Variants in DENND4C observed in about 807,000 individuals in gnomAD.
DENND4C encodes DENN domain containing 4C, also known as DENN domain-containing protein 4C.
A neutral mutation model predicts 203.0 loss-of-function variants in DENND4C; 108 were observed. The observed-to-expected ratio is 0.53, with a 90% CI of 0.46 to 0.62. DENND4C has a LOEUF of 0.62. Among genes scored for constraint, DENND4C ranks in the 20% least tolerant of loss-of-function variants. DENND4C has a pLI of 0.00. For synonymous variants in DENND4C, 871 were observed against 792.4 expected (o/e 1.10, Z -1.67); for missense variants, 2,481 against 2,301.2 (o/e 1.08, Z -1.60).
Position 19,346,012 on chromosome 9 carries a change from AGG to A in DENND4C, c.3244_3245del (p.Gly1082ArgfsTer9). ...ATNLKKNGDRGEKRQKHFPER... is the reference protein window; with the variant it reads ...ATNLKKNGDRXEKRQKHFPER... Reference sequence around the variant, plus strand: ...CTAATCTCAAGAAGAATGGTGATAGAGGAGAAAAAAGACAAAAGCATTTTCCT... The same window carrying A: ...CTAATCTCAAGAAGAATGGTGATAGAAGAAAAAAGACAAAAGCATTTTCCT... On this transcript the variant is annotated frameshift_variant, in exon 23 of 33. Coordinates refer to ENST00000434457, the MANE Select transcript of DENND4C (RefSeq NM_001330640.2). LOFTEE classifies it high-confidence loss of function. The A allele has an allele frequency of 1.2e-6, 2 of 1,614,156 alleles. No homozygotes were observed. The highest frequency in any genetic ancestry group is 2.2e-5 in the South Asian group (2 of 91,082).
At chr9:19,324,537 G>C (rs1563804284) in intron 13 of DENND4C, 30 bp downstream of exon 13, 2 of 1,582,134 alleles carry the variant, frequency 1.3e-6, no homozygotes, top group African/African-American at 2.8e-5. Flanking sequence ...CTAGTGTTTA[G>C]AAAAAAAAGT....
At chr9:19,325,434 CA>C (rs1843564187) in intron 13 of DENND4C, among the ~76,000 whole-genome samples, 1 of 151,758 alleles carries the variant, frequency 6.6e-6, no homozygotes, top group South Asian at 2.1e-4. Flanking sequence ...AGATTGTATC[CA>C]AAAAAAGTTG....
intron 16 of DENND4C, among the ~76,000 whole-genome samples, chr9:19,331,758 A>G (rs1046670152): frequency 1.3e-5 from 2 of 152,222 alleles, no homozygotes; most frequent in Admixed American, 1.3e-4. Flanking sequence ...CATGCTTGCT[A>G]ACAAATAGAT....
chr9:19,373,326 A>G lies in DENND4C; in HGVS notation c.*1153A>G, dbSNP rs2132394950. On this transcript the variant is annotated 3_prime_UTR_variant, in exon 33 of 33. Coordinates refer to ENST00000434457, the MANE Select transcript of DENND4C (RefSeq NM_001330640.2). ...ATGAATCAATCATCAGATAGTTAAA[A>G]TGAAATTAAATCAGCTGCCTAATAA... The G allele has an allele frequency of 6.5e-6, 1 of 152,714 alleles. No individual in the cohort carries two copies. Among genetic ancestry groups the G allele is most frequent in the Middle Eastern group, 3.4e-3 (1 of 294 alleles). 9.5% of individuals were successfully genotyped at this position (152,714 alleles called of 1,614,324 possible).
At chr9:19,260,558 C>G (rs181377170) in intron 1 of DENND4C, among the ~76,000 whole-genome samples, 1 of 152,040 alleles carries the variant, frequency 6.6e-6, no homozygotes, top group East Asian at 1.9e-4. Context: ...CCATCACACC[C>G]GGCTAATTTT....
Position 19,357,988 on chromosome 9 carries a change from G to C in DENND4C, c.4988G>C (p.Gly1663Ala). ...AGTGATGAAATAAAGAGAGCCAGTG[G>C]AGATGTCCAAACTATGAAAATTTCA... ...EPSDEIKRAS[G>A]DVQTMKISSV... Residue 1663 changes from glycine to alanine, a missense_variant, in exon 28 of 33, where the codon GGA becomes GCA. This residue lies in a region of DENND4C where 2,289 missense variants were observed against 2,113.3 expected (regional missense o/e 1.08). Transcript: ENST00000434457. 6.2e-7 allele frequency: 1 copy of C among 1,611,408 alleles called. No individual in the cohort carries two copies. The highest frequency in any genetic ancestry group is 1.3e-5 in the African/African-American group (1 of 74,952).
chr9:19,273,490 A>G (rs551036982), intron 1 of DENND4C, among the ~76,000 whole-genome samples: 6 of 152,186 alleles, frequency 3.9e-5, no homozygotes, highest in Admixed American at 1.3e-4. Flanking sequence ...GTAAGAGAAT[A>G]AAAACACAAG....
intron 1 of DENND4C, among the ~76,000 whole-genome samples, chr9:19,234,144 A>C (rs377504849): frequency 2.6e-5 from 4 of 152,162 alleles, no homozygotes; most frequent in Admixed American, 1.3e-4. Flanking sequence ...TTAATAGTCC[A>C]AAGTTTTATT....
At chr9:19,321,476 TTTTTGTTTTG>T (rs1036965469) in intron 12 of DENND4C, among the ~76,000 whole-genome samples, 3 of 152,098 alleles carry the variant, frequency 2.0e-5, no homozygotes, top group African/African-American at 7.2e-5. Flanking sequence ...AAGGTTTTTT[TTTTTGTTTTG>T]TTTTGTTTTG....
At chr9:19,330,593 C>A (rs1455002351) in intron 16 of DENND4C, among the ~76,000 whole-genome samples, 1 of 151,910 alleles carries the variant, frequency 6.6e-6, no homozygotes, top group Non-Finnish European at 1.5e-5. Context: ...CTGCCTCGGC[C>A]TCCCAAAGTG....
intron 1 of DENND4C, among the ~76,000 whole-genome samples, chr9:19,251,473 G>T (rs1433614937): frequency 6.6e-6 from 1 of 152,174 alleles, no homozygotes; most frequent in Non-Finnish European, 1.5e-5. Flanking sequence ...CTCTGTCTTG[G>T]GGATTAACAT....
chr9:19,269,022 T>C (rs1317697640), intron 1 of DENND4C, among the ~76,000 whole-genome samples: 1 of 152,218 alleles, frequency 6.6e-6, no homozygotes, highest in Non-Finnish European at 1.5e-5. Context: ...ATAAACTTGG[T>C]ACATACTTCT....
chr9:19,292,945 C>T lies in DENND4C; in HGVS notation c.801+2069C>T, dbSNP rs552509811. Among the ~76,000 whole-genome samples the T allele has an allele frequency of 5.3e-5, 8 of 152,194 alleles. No homozygotes were observed. The East Asian group carries it at 1.5e-3, about 29-fold the overall frequency. ...AGATGAAACAAAATACATCTGTGAC[C>T]TCATTCTACAGGTACAGGCTACACC... On this transcript the variant is annotated intron_variant, in intron 5 of 32. Transcript: ENST00000434457.
chr9:19,341,410 A>G (rs938108596), intron 21 of DENND4C, among the ~76,000 whole-genome samples: 89 of 149,724 alleles, frequency 5.9e-4, no homozygotes, highest in Admixed American at 5.9e-3. Flanking sequence ...TCCTGGCCTC[A>G]TATGATCCTC....
chr9:19,359,367 T>C (rs1826004041), intron 28 of DENND4C, among the ~76,000 whole-genome samples: 1 of 151,828 alleles, frequency 6.6e-6, no homozygotes, highest in Admixed American at 6.5e-5. Flanking sequence ...AGGCACACAC[T>C]ACCATGCCTT....
chr9:19,253,948 C>G (rs889277172), intron 1 of DENND4C, among the ~76,000 whole-genome samples: 2 of 151,916 alleles, frequency 1.3e-5, no homozygotes, highest in African/African-American at 2.4e-5. Context: ...CAGAACCAGC[C>G]TACGCAACAT....
intron 12 of DENND4C, among the ~76,000 whole-genome samples, chr9:19,319,818 G>A (rs1842584948): frequency 6.6e-6 from 1 of 152,114 alleles, no homozygotes; most frequent in African/African-American, 2.4e-5. Flanking sequence ...TACAGTGAGA[G>A]TGCTAGTTAG....
chr9:19,249,462 G>C (rs1826038438), intron 1 of DENND4C, among the ~76,000 whole-genome samples: 1 of 151,774 alleles, frequency 6.6e-6, no homozygotes, highest in African/African-American at 2.4e-5. Context: ...CACCATGTTG[G>C]CCAGGCTAGT....
intron 5 of DENND4C, among the ~76,000 whole-genome samples, chr9:19,292,837 C>T (rs976971847): frequency 2.6e-5 from 4 of 152,032 alleles, no homozygotes; most frequent in African/African-American, 9.7e-5. Context: ...TCAGCCAATG[C>T]GCCCAGCAAA....
Sources: allele counts gnomAD v4.1 joint callset (sites outside exome capture counted in the v4.1 genomes callset), GRCh38; gene constraint gnomAD v4.1.1; regional missense constraint gnomAD v4.1.1; transcripts MANE v1.5; gene names NCBI Gene and HGNC (gene_info 2026-07-23, HGNC 2026-07-21).